CTIF: variants seen among roughly 807,000 people sequenced by gnomAD.
CTIF encodes CBP80/20-dependent translation initiation factor.
CTIF carries 21 observed loss-of-function variants against 66.0 expected under a neutral mutation model. That is an observed-to-expected ratio of 0.32 (90% confidence interval 0.23 to 0.46). The LOEUF is 0.46. CTIF is among the 20% of genes least tolerant of loss of function. The pLI is 1.00. For synonymous variants in CTIF, 345 were observed against 326.4 expected (o/e 1.06, Z -0.62); for missense variants, 739 against 812.7 (o/e 0.91, Z 1.10).
Position 48,582,010 on chromosome 18 carries a change from T to C in CTIF, c.-28-37528T>C, listed in dbSNP as rs537103342. Among the ~76,000 whole-genome samples, 101 of 152,028 alleles carry C rather than the reference T, an allele frequency of 6.6e-4. 3 individuals carry two copies. In the South Asian group the frequency reaches 0.019, roughly 28 times the overall value. On this transcript the variant is annotated intron_variant, in intron 1 of 11. Coordinates refer to ENST00000256413, the MANE Select transcript of CTIF (RefSeq NM_014772.3). ...GGAGTTGGGTGGAGAGGGACCCTTA[T>C]TGGACAGGGAGGATGTCACTGTATT...
intron 3 of CTIF, among the ~76,000 whole-genome samples, chr18:48,639,358 A>C (rs1396984143): frequency 6.6e-6 from 1 of 152,132 alleles, no homozygotes; most frequent in Non-Finnish European, 1.5e-5. Flanking sequence ...ACCTGCCTTC[A>C]AGGGCGTCAC....
chr18:48,671,408 C>T (rs184674936), intron 6 of CTIF, among the ~76,000 whole-genome samples: 9 of 152,318 alleles, frequency 5.9e-5, no homozygotes, highest in Non-Finnish European at 1.3e-4. Context: ...CTGCCGCTGC[C>T]AGTGACCATG....
intron 10 of CTIF, among the ~76,000 whole-genome samples, chr18:48,841,667 G>C (rs1292667725): frequency 7.0e-6 from 1 of 142,416 alleles, no homozygotes; most frequent in East Asian, 2.0e-4. Flanking sequence ...CGGGGGCCAG[G>C]CTGGTGGGCA....
intron 1 of CTIF, among the ~76,000 whole-genome samples, chr18:48,610,349 A>G (rs2090283608): frequency 6.6e-6 from 1 of 151,288 alleles, no homozygotes; most frequent in Non-Finnish European, 1.5e-5. Context: ...GCACCCAGGG[A>G]TAAAGCAGGA....
chr18:48,581,415 C>G (rs984589316), intron 1 of CTIF, among the ~76,000 whole-genome samples: 1 of 152,084 alleles, frequency 6.6e-6, no homozygotes, highest in Non-Finnish European at 1.5e-5. Flanking sequence ...GTTCCAAGAG[C>G]TTTTTTCCCA....
At chr18:48,779,024 G>T (rs924129162) in intron 9 of CTIF, among the ~76,000 whole-genome samples, 1 of 152,194 alleles carries the variant, frequency 6.6e-6, no homozygotes, top group African/African-American at 2.4e-5. Flanking sequence ...TGGGCAAGTG[G>T]TTTTCCCTCT....
intron 1 of CTIF, among the ~76,000 whole-genome samples, chr18:48,615,005 ATCC>A (rs1282601337): frequency 6.6e-6 from 1 of 152,112 alleles, no homozygotes; most frequent in Admixed American, 6.5e-5. Flanking sequence ...GGCTCAAGCA[ATCC>A]TCCTGCCTCA....
chr18:48,681,216 C>T (rs1305482781), intron 6 of CTIF, among the ~76,000 whole-genome samples: 1 of 152,258 alleles, frequency 6.6e-6, no homozygotes, highest in Non-Finnish European at 1.5e-5. Context: ...CCAGGCCCCT[C>T]TGTTCTATAC....
intron 6 of CTIF, among the ~76,000 whole-genome samples, chr18:48,698,059 C>T (rs1598890153): frequency 7.6e-6 from 1 of 131,050 alleles, no homozygotes; most frequent in Non-Finnish European, 1.6e-5. Context: ...CAACTCTCTA[C>T]TCCTCCCTCC....
At chr18:48,698,151 C>T (rs1331258971) in intron 6 of CTIF, among the ~76,000 whole-genome samples, 2 of 134,784 alleles carry the variant, frequency 1.5e-5, no homozygotes, top group African/African-American at 5.5e-5. Flanking sequence ...AGCAAACTCC[C>T]CTCTGAAAAC....
chr18:48,632,554 T>A (rs529531602), intron 2 of CTIF, among the ~76,000 whole-genome samples: 5 of 152,168 alleles, frequency 3.3e-5, no homozygotes, highest in African/African-American at 7.2e-5. Context: ...CCTTCCCCAC[T>A]TCCCCCCTGG....
intron 6 of CTIF, among the ~76,000 whole-genome samples, chr18:48,681,278 C>T (rs560180466): frequency 6.6e-6 from 1 of 152,320 alleles, no homozygotes; most frequent in South Asian, 2.1e-4. Context: ...GTGTGTGTGA[C>T]ACCGTCAGTT....
At chr18:48,852,920 A>G (rs1423870690) in intron 10 of CTIF, among the ~76,000 whole-genome samples, 2 of 152,160 alleles carry the variant, frequency 1.3e-5, no homozygotes, top group East Asian at 1.9e-4. Context: ...TTGCAGACGC[A>G]TCGATAATAA....
Position 48,663,781 on chromosome 18 carries a change from G to C in CTIF, c.282G>C (p.Met94Ile). ...GCAGCAAAGACAACTCTCTGGACAT[G>C]CTGGGCACGGACATCTGGGCGGCCA... ...QNGSKDNSLD[M>I]LGTDIWAANT... is the part of the protein sequence containing the mutation. Residue 94 changes from methionine (M) to isoleucine (I), a missense_variant, in exon 4 of 12, where the codon ATG becomes ATC. Met to Ile is a conservative substitution (Grantham distance 10). Transcript: ENST00000256413. 2 of 1,614,112 alleles carry C rather than the reference G, an allele frequency of 1.2e-6. No individual in the cohort carries two copies. The highest frequency in any genetic ancestry group is 1.7e-6 in the Non-Finnish European group (2 of 1,179,970).
At chr18:48,681,011 C>T (rs1426135323) in intron 6 of CTIF, among the ~76,000 whole-genome samples, 2 of 152,212 alleles carry the variant, frequency 1.3e-5, no homozygotes, top group African/African-American at 4.8e-5. Context: ...GTGAATGGGC[C>T]TCGGCTCCCA....
intron 10 of CTIF, among the ~76,000 whole-genome samples, chr18:48,846,770 GATGA>G (rs1222236951): frequency 3.3e-5 from 5 of 150,704 alleles, no homozygotes; most frequent in South Asian, 2.1e-4. Context: ...TGGATGAAAG[GATGA>G]ATGGATGGAT....
At position 48,861,841 on chromosome 18, in the gene CTIF, TGAA is replaced by T. The variant is rs1304906067; in HGVS notation, c.*2290_*2292del. ...CCCATTGGCTGTTAGGACCAGAGTG[TGAA>T]GAAGAAGTGAAATATAAATATGTAT... On this transcript the variant is annotated 3_prime_UTR_variant, in exon 12 of 12. Transcript: ENST00000256413. 6 of 152,270 alleles carry T rather than the reference TGAA, an allele frequency of 3.9e-5. No individual in the cohort carries two copies. The highest frequency in any genetic ancestry group is 7.2e-5 in the African/African-American group (3 of 41,556). The allele number at this position is 152,270 out of a possible 1,614,324, so 9.4% of individuals were successfully genotyped here.
chr18:48,794,864 C>A (rs929911107), intron 9 of CTIF, among the ~76,000 whole-genome samples: 3 of 152,006 alleles, frequency 2.0e-5, no homozygotes, highest in African/African-American at 7.3e-5. Context: ...AGAGAGGAGG[C>A]CCACAAGCAT....
intron 6 of CTIF, among the ~76,000 whole-genome samples, chr18:48,677,487 C>T (rs749770903): frequency 6.6e-6 from 1 of 152,196 alleles, no homozygotes; most frequent in African/African-American, 2.4e-5. Context: ...GTAACACTAG[C>T]GAACATTCAC....
Sources: allele counts gnomAD v4.1 joint callset (sites outside exome capture counted in the v4.1 genomes callset), GRCh38; gene constraint gnomAD v4.1.1; transcripts MANE v1.5; gene names NCBI Gene and HGNC (gene_info 2026-07-23, HGNC 2026-07-21).